The following TJP2 variants were observed in gnomAD, a reference collection of about 807,000 sequenced individuals.
TJP2 encodes the protein tight junction protein 2.
Under a neutral mutation model 133.1 loss-of-function variants are expected in TJP2, and 91 were observed. The observed-to-expected ratio is 0.68, with a 90% confidence interval of 0.58 to 0.81. The LOEUF (loss-of-function observed/expected upper bound fraction) is 0.81, where lower values mean the gene tolerates loss of function less well. Among genes scored for constraint, TJP2 ranks in the 40% least tolerant of loss-of-function variants. The pLI is 0.00. For synonymous variants in TJP2, 592 were observed against 583.4 expected, an observed-to-expected ratio of 1.01 and a Z score of -0.21; for missense variants, 1,541 against 1,565.6, an observed-to-expected ratio of 0.98 and a Z score of 0.26.
chr9:69,249,744 T>TAA, intron 20 of TJP2: 1 of 985,060 alleles, frequency 1.0e-6, no homozygotes, highest in Non-Finnish European at 1.2e-6. Flanking sequence ...CTCTTCTTGT[T>TAA]AAAAAAAGAT....
At position 69,230,134 on chromosome 9, in the gene TJP2, T is replaced by C. The variant is rs780235767; in HGVS notation, c.1573T>C (p.Leu525=). The C allele has an allele frequency of 4.3e-6, 7 of 1,614,180 alleles. No individual in the cohort carries two copies. The highest frequency in any genetic ancestry group is 5.9e-6 in the Non-Finnish European group (7 of 1,180,022). ...FKKGDSVGLR[L]AGGNDVGIFV... is the part of the protein sequence containing the mutation. ...GAAGGGAGACAGCGTGGGCCTCCGGTTGGCTGGTGGCAATGATGTCGGGAT... is the reference window on the plus strand; with the variant it reads ...GAAGGGAGACAGCGTGGGCCTCCGGCTGGCTGGTGGCAATGATGTCGGGAT... Residue 525 remains leucine, a synonymous_variant, in exon 11 of 23, where the codon TTG becomes CTG. Transcript: ENST00000377245.
chr9:69,202,810 C>T (rs1827092970), intron 1 of TJP2, among the ~76,000 whole-genome samples: 1 of 151,904 alleles, frequency 6.6e-6, no homozygotes, highest in Admixed American at 6.6e-5. Context: ...CTCTGTATAA[C>T]TTTTATTGAA....
intron 1 of TJP2, chr9:69,204,780 C>A (rs1827267372): frequency 6.8e-6 from 7 of 1,030,958 alleles, no homozygotes; most frequent in Non-Finnish European, 7.0e-6. Context: ...ATAAATACTT[C>A]TCTAAATATT....
chr9:69,209,519 C>T (rs1022236760), intron 1 of TJP2, among the ~76,000 whole-genome samples: 4 of 150,716 alleles, frequency 2.7e-5, no homozygotes, highest in East Asian at 2.0e-4. Flanking sequence ...TTTGGGAGGC[C>T]GAGGTGGGCG....
intron 1 of TJP2, among the ~76,000 whole-genome samples, chr9:69,134,983 G>C (rs1822665279): frequency 6.6e-6 from 1 of 151,468 alleles, no homozygotes; most frequent in Non-Finnish European, 1.5e-5. Context: ...AGAGGAGAGA[G>C]AGAGAGAGAG....
chr9:69,235,198 G>A (rs1475916385), intron 12 of TJP2, among the ~76,000 whole-genome samples: 1 of 152,208 alleles, frequency 6.6e-6, no homozygotes, highest in Non-Finnish European at 1.5e-5. Context: ...CTGAGAACCA[G>A]GAGAGCCAAT....
intron 11 of TJP2, among the ~76,000 whole-genome samples, chr9:69,231,472 T>C (rs1480837908): frequency 6.6e-6 from 1 of 152,090 alleles, no homozygotes; most frequent in African/African-American, 2.4e-5. Context: ...TTTTTTTTCT[T>C]GTTAATGTTA....
chr9:69,173,231 G>C (rs541462807), upstream of TJP2, among the ~76,000 whole-genome samples: 27 of 152,272 alleles, frequency 1.8e-4, no homozygotes, highest in South Asian at 5.6e-3. Context: ...CCAATTAAGG[G>C]AAGAGCAGGG....
At position 69,179,603 on chromosome 9, in the gene TJP2, G is replaced by A. The variant is rs77143613; in HGVS notation, c.60+5171G>A. ...GGCTCACTGCAAGCTCCACCTCCCG[G>A]GTTCACGCCATTCAGCCTCCCCAGT... On this transcript the variant is annotated intron_variant, in intron 1 of 22. Transcript: ENST00000377245. 8.3e-3 allele frequency among the ~76,000 whole-genome samples: 1,251 copies of A among 151,178 alleles called. 27 individuals are homozygous for A. Among genetic ancestry groups the A allele is most frequent in the African/African-American group, 0.029 (1,182 of 41,112 alleles).
upstream of TJP2, chr9:69,174,169 A>G: frequency 7.8e-7 from 1 of 1,288,212 alleles, no homozygotes; most frequent in Non-Finnish European, 9.8e-7. Flanking sequence ...GCCAGCGCGG[A>G]GGCGCCACGC....
upstream of TJP2, among the ~76,000 whole-genome samples, chr9:69,172,956 C>G (rs888908234): frequency 7.2e-5 from 11 of 152,096 alleles, no homozygotes; most frequent in Middle Eastern, 3.2e-3. Context: ...ATGTCTAAGT[C>G]CGGAGACTCG....
In TJP2 at chr9:69,218,350, C is replaced by T. The variant is rs1428978435; in HGVS notation, c.333C>T (p.Val111=). Reference sequence around the variant, plus strand: ...AGCAGCTCAGAAAAAGTGGGAAGGTCGCTGCTATTGTAAGTACTGGGTTTG... The same window carrying T: ...AGCAGCTCAGAAAAAGTGGGAAGGTTGCTGCTATTGTAAGTACTGGGTTTG... ...AVQQLRKSGK[V]AAIVVKRPRK... is the part of the protein sequence containing the mutation. The change falls in exon 4 of 23, where the codon GTC becomes GTT. Residue 111 remains valine (V), a synonymous_variant. Coordinates refer to ENST00000377245, the MANE Select transcript of TJP2 (RefSeq NM_004817.4). The T allele has an allele frequency of 8.1e-6, 13 of 1,613,970 alleles. 1 individual carries two copies. The South Asian group carries it at 1.1e-4, about 14-fold the overall frequency.
intron 1 of TJP2, 26 bp downstream of exon 1, chr9:69,174,458 T>C: frequency 4.5e-6 from 7 of 1,539,082 alleles, no homozygotes; most frequent in Non-Finnish European, 5.3e-6. Flanking sequence ...TGCCGCGCGG[T>C]TGGGAGGAGG....
intron 1 of TJP2, among the ~76,000 whole-genome samples, chr9:69,211,468 T>C (rs1269939917): frequency 6.6e-6 from 1 of 152,266 alleles, no homozygotes; most frequent in Non-Finnish European, 1.5e-5. Flanking sequence ...CTCTCACTCA[T>C]GGTGATGTGC....
At chr9:69,231,691 A>G (rs1049389094) in intron 11 of TJP2, among the ~76,000 whole-genome samples, 3 of 152,140 alleles carry the variant, frequency 2.0e-5, no homozygotes, top group Non-Finnish European at 2.9e-5. Flanking sequence ...TGAGCTTTGC[A>G]AAAGCTTTTC....
chr9:69,196,603 T>C (rs1826576522), intron 1 of TJP2, among the ~76,000 whole-genome samples: 1 of 122,760 alleles, frequency 8.1e-6, no homozygotes, highest in African/African-American at 2.8e-5. Flanking sequence ...ATGTGATCTT[T>C]TTTTTAAAAA....
chr9:69,220,179 TTTC>T (rs1828707235), intron 4 of TJP2, among the ~76,000 whole-genome samples: 1 of 152,116 alleles, frequency 6.6e-6, no homozygotes, highest in Admixed American at 6.6e-5. Context: ...GGCATTGACT[TTTC>T]TTCCTTAAAA....
At chr9:69,198,712 C>G (rs1031058181) in intron 1 of TJP2, among the ~76,000 whole-genome samples, 1 of 152,232 alleles carries the variant, frequency 6.6e-6, no homozygotes, top group Non-Finnish European at 1.5e-5. Context: ...TAATCATCCA[C>G]TGCCGGCACT....
intron 2 of TJP2, among the ~76,000 whole-genome samples, chr9:69,164,982 A>G (rs946370780): frequency 1.3e-5 from 2 of 152,138 alleles, no homozygotes; most frequent in Admixed American, 6.5e-5. Context: ...GGCGCCCATC[A>G]TTACGCCCGG....
Sources: allele counts gnomAD v4.1 joint callset (sites outside exome capture counted in the v4.1 genomes callset), GRCh38; gene constraint gnomAD v4.1.1; transcripts MANE v1.5; gene names NCBI Gene and HGNC (gene_info 2026-07-23, HGNC 2026-07-21).